The following PACRG variants were observed in gnomAD, a reference collection of about 807,000 sequenced individuals.
PACRG encodes parkin coregulated, also known as parkin coregulated gene protein.
Under a neutral mutation model 29.7 loss-of-function variants are expected in PACRG, and 29 were observed. The ratio of observed to expected loss-of-function variants is 0.98; its 90% CI spans 0.73 to 1.33. The LOEUF (loss-of-function observed/expected upper bound fraction) is 1.33. PACRG is among the 40% of genes most tolerant of loss of function. The pLI is 0.00. For missense variants in PACRG, 279 were observed against 316.2 expected, an observed-to-expected ratio of 0.88 and a Z score of 0.89; for synonymous variants, 116 against 118.7, an observed-to-expected ratio of 0.98 and a Z score of 0.15.
intron 2 of PACRG, among the ~76,000 whole-genome samples, chr6:162,899,452 C>G (rs1795399496): frequency 6.6e-6 from 1 of 152,134 alleles, no homozygotes; most frequent in African/African-American, 2.4e-5. Context: ...GTCAAAATTG[C>G]AAGATCTCCA....
chr6:162,964,476 G>C (rs1172268273), intron 2 of PACRG, among the ~76,000 whole-genome samples: 1 of 152,204 alleles, frequency 6.6e-6, no homozygotes, highest in African/African-American at 2.4e-5. Flanking sequence ...AGAAAGAGAA[G>C]ATTCGAAGTC....
intron 2 of PACRG, among the ~76,000 whole-genome samples, chr6:162,837,732 A>T (rs1412974042): frequency 6.6e-6 from 1 of 152,158 alleles, no homozygotes; most frequent in Non-Finnish European, 1.5e-5. Flanking sequence ...TCTCTGAAGG[A>T]GTACATACAC....
chr6:163,231,626 TTGAAAAGGCAAGCAATCCTGGCTGAC>T (rs1418585058), intron 4 of PACRG, among the ~76,000 whole-genome samples: 1 of 152,192 alleles, frequency 6.6e-6, no homozygotes. Flanking sequence ...ATAGGGTGGC[TTGAAAAGGCAAGCAATCCTGGCTGAC>T]TGCATGCCTT....
At chr6:163,008,681 C>T (rs1447134842) in intron 2 of PACRG, among the ~76,000 whole-genome samples, 2 of 148,114 alleles carry the variant, frequency 1.4e-5, no homozygotes, top group African/African-American at 2.5e-5. Flanking sequence ...GGCTCAGCAC[C>T]TCACATGGTA....
intron 1 of PACRG, among the ~76,000 whole-genome samples, chr6:162,791,311 G>GTTTTTTTT (rs60664405): frequency 3.9e-5 from 5 of 128,824 alleles, no homozygotes; most frequent in South Asian, 2.6e-4. Context: ...TTGTTTGTTT[G>GTTTTTTTT]TTTTTTTTTT....
intron 1 of PACRG, among the ~76,000 whole-genome samples, chr6:162,789,525 G>T (rs1443976008): frequency 1.3e-5 from 2 of 152,070 alleles, no homozygotes; most frequent in African/African-American, 4.8e-5. Flanking sequence ...CAAAGTCTTA[G>T]TTTCACTAAG....
At chr6:162,727,349 A>G (rs1779301784), upstream of PACRG, 1 of 325,882 alleles carries the variant, frequency 3.1e-6, no homozygotes, top group Non-Finnish European at 5.4e-6. Flanking sequence ...AGGCTTCGGG[A>G]CCCCACACGG....
In PACRG at chr6:162,914,469, A is replaced by C. The variant is rs562899359; in HGVS notation, c.291+100188A>C. Among the ~76,000 whole-genome samples the C allele has an allele frequency of 7.4e-5, 11 of 149,330 alleles. No homozygotes were observed. In the East Asian group the frequency reaches 2.2e-3, roughly 29 times the overall value. On this transcript the variant is annotated intron_variant, in intron 2 of 4. Coordinates refer to ENST00000366888, the MANE Select transcript of PACRG (RefSeq NM_001080379.2). ...CAACTTTATAGCCAGTCCTGAAATC[A>C]GGTAGCGTACATAAGGTCTCAAAGT...
At position 163,239,740 on chromosome 6, in the gene PACRG, A is replaced by C. The variant is rs1363974232; in HGVS notation, c.614-75087A>C. Among the ~76,000 whole-genome samples, 7 of 137,822 alleles carry C rather than the reference A, an allele frequency of 5.1e-5. No individual in the cohort carries two copies. In the South Asian group the frequency reaches 7.1e-4, roughly 14 times the overall value. 90.4% of individuals were successfully genotyped at this position (137,822 alleles called of 152,430 possible). A position where few individuals can be genotyped will look rare whatever the true frequency, so the allele number is the denominator to read the frequency against. On this transcript the variant is annotated intron_variant, in intron 4 of 4. Transcript: ENST00000366888. ...CACACTCCCACATACACACACACTC[A>C]CACTCCCACATGCACACACACTCAC...
intron 4 of PACRG, among the ~76,000 whole-genome samples, chr6:163,113,970 C>T (rs140985372): frequency 4.5e-4 from 69 of 152,230 alleles, no homozygotes; most frequent in African/African-American, 1.5e-3. Context: ...TGTATTAAGA[C>T]GTAATTTTGT....
chr6:162,997,638 A>C (rs1268096194), intron 2 of PACRG: 2 of 251,738 alleles, frequency 7.9e-6, no homozygotes, highest in Non-Finnish European at 1.6e-5. Context: ...AGAGACCTTC[A>C]GATAAACTCA....
chr6:162,944,766 C>A (rs1449417095), intron 2 of PACRG, among the ~76,000 whole-genome samples: 1 of 151,446 alleles, frequency 6.6e-6, no homozygotes, highest in African/African-American at 2.4e-5. Flanking sequence ...TTTGAGATAA[C>A]CCAGTCAGAC....
At chr6:163,046,236 T>C (rs1809361471) in intron 2 of PACRG, among the ~76,000 whole-genome samples, 2 of 151,156 alleles carry the variant, frequency 1.3e-5, no homozygotes, top group Admixed American at 1.3e-4. Flanking sequence ...ACAGGGCTCA[T>C]CAAAGTCCCC....
At chr6:163,128,807 G>A (rs71567693) in intron 4 of PACRG, among the ~76,000 whole-genome samples, 7,461 of 152,188 alleles carry the variant, frequency 0.049, 295 homozygotes, top group Non-Finnish European at 0.063. Context: ...TCCATTTACC[G>A]CTCAGTAAGC....
intron 4 of PACRG, among the ~76,000 whole-genome samples, chr6:163,266,840 G>A (rs1783545333): frequency 6.6e-6 from 1 of 152,154 alleles, no homozygotes; most frequent in Non-Finnish European, 1.5e-5. Context: ...CTAGACCGTG[G>A]CCACAAGATT....
intron 2 of PACRG, among the ~76,000 whole-genome samples, chr6:162,994,568 C>T (rs1343483895): frequency 1.3e-5 from 2 of 151,940 alleles, no homozygotes; most frequent in Admixed American, 6.5e-5. Context: ...TCACGTAGTT[C>T]TCGAGCCTTG....
intron 4 of PACRG, among the ~76,000 whole-genome samples, chr6:163,153,196 A>G (rs1778170411): frequency 6.6e-6 from 1 of 152,230 alleles, no homozygotes; most frequent in Non-Finnish European, 1.5e-5. Flanking sequence ...TAAGCATAAA[A>G]GTATAGTCAG....
intron 2 of PACRG, among the ~76,000 whole-genome samples, chr6:163,034,630 A>G (rs1275497128): frequency 6.6e-6 from 1 of 152,154 alleles, no homozygotes; most frequent in African/African-American, 2.4e-5. Context: ...AAGGCCGCCA[A>G]TCAGTGCCAT....
chr6:163,067,867 G>A (rs184682467), intron 3 of PACRG, among the ~76,000 whole-genome samples: 2 of 152,128 alleles, frequency 1.3e-5, no homozygotes, highest in African/African-American at 4.8e-5. Context: ...AATACAACTT[G>A]TTTTTCTCAG....
Sources: gnomAD v4.1 joint callset for allele counts (sites outside exome capture counted in the v4.1 genomes callset) on GRCh38, gnomAD v4.1.1 for gene constraint, MANE v1.5 for transcripts, NCBI Gene and HGNC (gene_info 2026-07-23, HGNC 2026-07-21) for gene names.